SLC35E4: variants seen among roughly 807,000 people sequenced by gnomAD.
SLC35E4 encodes solute carrier family 35 member E4.
A neutral mutation model predicts 19.3 loss-of-function variants in SLC35E4; 15 were observed. That is an observed-to-expected ratio of 0.78 (90% confidence interval 0.52 to 1.20). The LOEUF (loss-of-function observed/expected upper bound fraction) is 1.20, where lower values mean the gene tolerates loss of function less well. Among genes scored for constraint, SLC35E4 ranks in the 50% most tolerant of loss-of-function variants. The pLI, the probability that SLC35E4 is intolerant of heterozygous loss-of-function variation, is 0.00. For synonymous variants in SLC35E4, 219 were observed against 219.9 expected, an observed-to-expected ratio of 1.00 and a Z score of 0.04; for missense variants, 406 against 472.3, an observed-to-expected ratio of 0.86 and a Z score of 1.30.
intron 2 of SLC35E4, among the ~76,000 whole-genome samples, chr22:30,658,894 C>T (rs2088399824): frequency 6.6e-6 from 1 of 152,082 alleles, no homozygotes; most frequent in African/African-American, 2.4e-5. Context: ...CCTGTAATCC[C>T]AGCACTTTGG....
Position 30,636,456 on chromosome 22 carries a change from C to G in SLC35E4, c.6C>G (p.Cys2Trp). 6.7e-7 allele frequency: 1 copy of G among 1,485,532 alleles called. No homozygotes were observed. Among genetic ancestry groups the G allele is most frequent in the Non-Finnish European group, 9.0e-7 (1 of 1,110,966 alleles). 92.0% of individuals were successfully genotyped at this position (1,485,532 alleles called of 1,614,324 possible). ...CCCTAGCCTCACTGGTGCGGATGTG[C>G]CGCTGCCCGCCGGAGCACCATGATG... M[C>W]RCPPEHHDGR... Residue 2 changes from cysteine (C) to tryptophan (W), a missense_variant, in exon 1 of 2, where the codon TGC (cysteine) becomes TGG (tryptophan). Cys to Trp is a radical substitution (Grantham distance 215, BLOSUM62 -2). Transcript: ENST00000343605.
chr22:30,636,648 C>T lies in SLC35E4; in HGVS notation c.198C>T (p.Leu66=), dbSNP rs1357227690. 3 of 1,612,042 alleles carry T rather than the reference C, an allele frequency of 1.9e-6. No homozygotes were observed. Among genetic ancestry groups the T allele is most frequent in the Middle Eastern group, 1.7e-4 (1 of 6,058 alleles). The change falls in exon 1 of 2, where the codon CTC becomes CTT. Residue 66 remains leucine (L), a synonymous_variant. Coordinates refer to ENST00000343605, the MANE Select transcript of SLC35E4 (RefSeq NM_001001479.4). ...TGGCGGGAGCCAGCATGTCAAGCCT[C>T]AACAAGTGGATCTTCACAGTGCACG... ...WLLAGASMSS[L]NKWIFTVHGF...
chr22:30,659,335 G>A (rs1163021524), intron 2 of SLC35E4, among the ~76,000 whole-genome samples: 4 of 152,096 alleles, frequency 2.6e-5, no homozygotes, highest in African/African-American at 9.7e-5. Context: ...TGGACCCTGA[G>A]ATGACCCAGA....
At chr22:30,656,551 G>A (rs2088340835) in intron 2 of SLC35E4, among the ~76,000 whole-genome samples, 1 of 152,150 alleles carries the variant, frequency 6.6e-6, no homozygotes, top group East Asian at 1.9e-4. Context: ...ATCAAAAAGA[G>A]GCCTAGAATC....
downstream of SLC35E4, chr22:30,652,172 G>C (rs114861665): frequency 0.018 from 2,717 of 152,292 alleles, 72 homozygotes; most frequent in African/African-American, 0.062. Context: ...TGATTGGTCA[G>C]GGATGAAATC....
chr22:30,663,271 A>G (rs182765470), exon 3 of SLC35E4: 1 of 706,792 alleles, frequency 1.4e-6, no homozygotes, highest in East Asian at 2.8e-5. Context: ...CTTAAAAAAA[A>G]TGGATTATAA....
At chr22:30,668,641 G>C (rs1404921767) in exon 3 of SLC35E4, 2 of 152,168 alleles carry the variant, frequency 1.3e-5, no homozygotes, top group Non-Finnish European at 2.9e-5. Flanking sequence ...TTAGAGCCTG[G>C]CGAGGCCGAG....
intron 2 of SLC35E4, among the ~76,000 whole-genome samples, chr22:30,657,372 T>C (rs1320724501): frequency 2.0e-5 from 3 of 150,840 alleles, no homozygotes; most frequent in Non-Finnish European, 4.4e-5. Context: ...GGCAGGAGAA[T>C]TGCTTGAACC....
chr22:30,643,386 G>A (rs2088077898), intron 1 of SLC35E4, among the ~76,000 whole-genome samples: 1 of 152,326 alleles, frequency 6.6e-6, no homozygotes, highest in South Asian at 2.1e-4. Flanking sequence ...CCTGGGGAGC[G>A]CTGAGAAGGC....
chr22:30,654,611 G>A (rs2088296633), intron 2 of SLC35E4: 2 of 465,196 alleles, frequency 4.3e-6, no homozygotes, highest in African/African-American at 2.0e-5. Context: ...GCCCAGAAGT[G>A]GTAGGTGCCT....
chr22:30,637,523 G>C (rs938831369), intron 1 of SLC35E4, among the ~76,000 whole-genome samples: 7 of 151,966 alleles, frequency 4.6e-5, no homozygotes, highest in Admixed American at 3.9e-4. Flanking sequence ...CAAGGTGCTA[G>C]GATTTCAAGC....
chr22:30,641,844 G>A (rs1266021704), intron 1 of SLC35E4, among the ~76,000 whole-genome samples: 1 of 149,264 alleles, frequency 6.7e-6, no homozygotes, highest in East Asian at 2.0e-4. Flanking sequence ...ACAGGTGTGA[G>A]CCAACATGCC....
chr22:30,664,670 T>G (rs907850223), downstream of SLC35E4, among the ~76,000 whole-genome samples: 2 of 152,126 alleles, frequency 1.3e-5, no homozygotes, highest in African/African-American at 4.8e-5. Context: ...ATTTTCCCCC[T>G]CTAAGAACCA....
intron 2 of SLC35E4, among the ~76,000 whole-genome samples, chr22:30,660,391 C>T (rs2088433320): frequency 6.6e-6 from 1 of 152,050 alleles, no homozygotes; most frequent in African/African-American, 2.4e-5. Context: ...GCAGCCTTGA[C>T]CTCCCTCCTG....
At chr22:30,668,318 G>C (rs713856) in exon 3 of SLC35E4, 4,149 of 152,364 alleles carry the variant, frequency 0.027, 81 homozygotes, top group Non-Finnish European at 0.04. Flanking sequence ...CGGCCTGGGT[G>C]CCCAGAGCCT....
downstream of SLC35E4, among the ~76,000 whole-genome samples, chr22:30,651,290 T>TC (rs1440895582): frequency 3.3e-5 from 5 of 150,000 alleles, no homozygotes; most frequent in African/African-American, 1.2e-4. Context: ...AACCTCTGCC[T>TC]CCCAGGTTCA....
chr22:30,649,156 C>CTA, downstream of SLC35E4: 1 of 715,834 alleles, frequency 1.4e-6, no homozygotes, highest in Non-Finnish European at 2.6e-6. Flanking sequence ...CCTCCCTTCC[C>CTA]TAGGCCTCAG....
downstream of SLC35E4, among the ~76,000 whole-genome samples, chr22:30,648,527 G>A (rs748893000): frequency 3.9e-5 from 6 of 152,254 alleles, no homozygotes; most frequent in East Asian, 3.9e-4. Flanking sequence ...CAAGGCGGGC[G>A]GATCACCTGA....
In SLC35E4 at chr22:30,657,297, ACAC is replaced by A. The variant is rs1569065166; in HGVS notation, c.*9-4762_*9-4760del. ...TAAAAACACACACACACACACACAC[ACAC>A]ACACACAAATTAGCCGGGCGTGGGG... On this transcript the variant is annotated intron_variant, in intron 2 of 2. Coordinates refer to the SLC35E4 transcript ENST00000406566. Among the ~76,000 whole-genome samples the A allele has an allele frequency of 5.4e-5, 8 of 149,524 alleles. No homozygotes were observed. The East Asian group carries it at 1.6e-3, about 30-fold the overall frequency.
Sources: allele counts gnomAD v4.1 joint callset (sites outside exome capture counted in the v4.1 genomes callset), GRCh38; gene constraint gnomAD v4.1.1; transcripts MANE v1.5; gene names NCBI Gene and HGNC (gene_info 2026-07-23, HGNC 2026-07-21).